AFG2A: variants seen among roughly 807,000 people sequenced by gnomAD.
The protein encoded by AFG2A is AAA ATPase AFG2A, also known as ATPase family gene 2 protein homolog A.
the AFG2A span, among the ~76,000 whole-genome samples, chr4:122,950,577 T>A: frequency 6.6e-6 from 1 of 152,280 alleles, no homozygotes; most frequent in African/African-American, 2.4e-5. Flanking sequence ...TGACCTCAGG[T>A]GATCCACCCG....
At chr4:123,015,696 T>G in the AFG2A span, among the ~76,000 whole-genome samples, 1 of 151,430 alleles carries the variant, frequency 6.6e-6, no homozygotes, top group East Asian at 2.0e-4. Flanking sequence ...AATGAGCTGT[T>G]GGGTACACCT....
At chr4:123,020,975 G>A in the AFG2A span, among the ~76,000 whole-genome samples, 120 of 152,264 alleles carry the variant, frequency 7.9e-4, no homozygotes, top group Middle Eastern at 3.4e-3. Flanking sequence ...ACCAGTGTGT[G>A]ACAGTGTTGA....
At chr4:122,927,676 A>G in the AFG2A span, 10 of 1,612,842 alleles carry the variant, frequency 6.2e-6, no homozygotes, top group Admixed American at 3.3e-5. Flanking sequence ...TCCCTTATTC[A>G]TCTTGGACTC....
the AFG2A span, among the ~76,000 whole-genome samples, chr4:122,944,612 G>A: frequency 2.0e-5 from 3 of 152,162 alleles, no homozygotes; most frequent in South Asian, 4.2e-4. Flanking sequence ...TAGTTTGATC[G>A]TCTGAAGCCT....
the AFG2A span, among the ~76,000 whole-genome samples, chr4:123,172,054 A>T: frequency 6.6e-6 from 1 of 152,020 alleles, no homozygotes; most frequent in Non-Finnish European, 1.5e-5. Context: ...TTCAGAGTGT[A>T]TCGTTCTTTT....
chr4:123,014,926 G>GT, the AFG2A span, among the ~76,000 whole-genome samples: 2 of 151,984 alleles, frequency 1.3e-5, no homozygotes, highest in Admixed American at 6.5e-5. Context: ...TTCTAATCTA[G>GT]TTTTTTAGCT....
chr4:123,179,552 T>G, the AFG2A span, among the ~76,000 whole-genome samples: 3 of 152,110 alleles, frequency 2.0e-5, no homozygotes, highest in Non-Finnish European at 2.9e-5. Context: ...TTAGTAGAGA[T>G]AGAGTTTCAC....
the AFG2A span, among the ~76,000 whole-genome samples, chr4:123,038,079 G>T: frequency 6.6e-6 from 1 of 152,014 alleles, no homozygotes; most frequent in Admixed American, 6.6e-5. Context: ...ACTTTAATCT[G>T]TTGCATATCT....
At chr4:123,258,177 C>T in the AFG2A span, among the ~76,000 whole-genome samples, 8 of 152,160 alleles carry the variant, frequency 5.3e-5, no homozygotes, top group Non-Finnish European at 8.8e-5. Context: ...AGAAATTTTG[C>T]TAACAGCTAC....
chr4:123,048,109 A>T, the AFG2A span, among the ~76,000 whole-genome samples: 1 of 152,174 alleles, frequency 6.6e-6, no homozygotes, highest in African/African-American at 2.4e-5. Context: ...ATCATTTATT[A>T]GAGACTGTTC....
chr4:123,170,336 G>A, the AFG2A span, among the ~76,000 whole-genome samples: 4 of 152,134 alleles, frequency 2.6e-5, no homozygotes, highest in Non-Finnish European at 4.4e-5. Flanking sequence ...AGTTTTTCAC[G>A]CAGTAGCACA....
At chr4:123,003,278 A>T in the AFG2A span, among the ~76,000 whole-genome samples, 4 of 152,122 alleles carry the variant, frequency 2.6e-5, no homozygotes, top group African/African-American at 9.7e-5. Flanking sequence ...GAGTAGTTTG[A>T]TCATTTGAAG....
the AFG2A span, among the ~76,000 whole-genome samples, chr4:122,926,470 C>T: frequency 5.3e-5 from 8 of 152,298 alleles, no homozygotes; most frequent in South Asian, 2.1e-4. Flanking sequence ...CAGTGCTGTT[C>T]ATCTTAGCTC....
the AFG2A span, among the ~76,000 whole-genome samples, chr4:123,205,174 A>C: frequency 6.6e-6 from 1 of 152,054 alleles, no homozygotes; most frequent in Non-Finnish European, 1.5e-5. Flanking sequence ...TTTGTGTTTC[A>C]TCAATTTTGT....
chr4:123,003,473 G>A, the AFG2A span, among the ~76,000 whole-genome samples: 22 of 152,122 alleles, frequency 1.4e-4, no homozygotes, highest in Non-Finnish European at 2.5e-4. Flanking sequence ...TGATGTACAG[G>A]TGGGTTTTTG....
At chr4:123,034,788 G>A in the AFG2A span, among the ~76,000 whole-genome samples, 1 of 152,060 alleles carries the variant, frequency 6.6e-6, no homozygotes, top group African/African-American at 2.4e-5. Context: ...CTTAAACTTT[G>A]CTAAAAAATA....
the AFG2A span, chr4:123,314,789 T>G: frequency 6.8e-6 from 1 of 147,604 alleles, no homozygotes; most frequent in African/African-American, 2.5e-5. Context: ...AGAGTCTCAC[T>G]CTGTCACCTA....
the AFG2A span, chr4:122,929,112 G>T: frequency 1.9e-6 from 3 of 1,613,628 alleles, no homozygotes; most frequent in African/African-American, 4.0e-5. Flanking sequence ...ACAGAAAAAT[G>T]TGGGTGTGAG....
chr4:123,070,065 T>C, the AFG2A span, among the ~76,000 whole-genome samples: 2,184 of 152,270 alleles, frequency 0.014, 49 homozygotes, highest in African/African-American at 0.049. Flanking sequence ...TGACTGTTAA[T>C]CTGGATGCAT....
Sources: gnomAD v4.1 joint callset for allele counts (sites outside exome capture counted in the v4.1 genomes callset) on GRCh38, gnomAD v4.1.1 for gene constraint, MANE v1.5 for transcripts, NCBI Gene and HGNC (gene_info 2026-07-23, HGNC 2026-07-21) for gene names.